ZNF324B: variants seen among roughly 807,000 people sequenced by gnomAD.
The protein encoded by ZNF324B is zinc finger protein 324B.
ZNF324B carries 7 observed loss-of-function variants against 10.6 expected under a neutral mutation model. The ratio of observed to expected loss-of-function variants is 0.66; its 90% CI spans 0.38 to 1.24. The LOEUF is 1.24. ZNF324B is among the 50% of genes most tolerant of loss of function. The probability of loss-of-function intolerance (pLI) is 0.02; values close to 1 mark genes in which losing one functional copy is unlikely to be tolerated. For missense variants in ZNF324B, 640 were observed against 764.7 expected (o/e 0.84, Z 1.92); for synonymous variants, 316 against 321.0 (o/e 0.98, Z 0.17).
chr19:58,451,430 G>A (rs773899494), upstream of ZNF324B, among the ~76,000 whole-genome samples: 1 of 152,246 alleles, frequency 6.6e-6, no homozygotes, highest in Non-Finnish European at 1.5e-5. Flanking sequence ...GGAAACCCGC[G>A]GCAGCTGCGC....
intron 1 of ZNF324B, chr19:58,453,255 T>A: frequency 4.4e-6 from 1 of 229,358 alleles, no homozygotes; most frequent in Non-Finnish European, 8.7e-6. Context: ...ATGAGCAGCC[T>A]GGAAATGTCA....
At chr19:58,450,239 A>T (rs2052845804), upstream of ZNF324B, among the ~76,000 whole-genome samples, 2 of 152,130 alleles carry the variant, frequency 1.3e-5, no homozygotes, top group African/African-American at 4.8e-5. Flanking sequence ...TGGAACTATG[A>T]GTCCACTAAA....
In ZNF324B at chr19:58,455,673, G is replaced by A. The variant is rs1176457701; in HGVS notation, c.729G>A (p.Trp243Ter). Residue 243 changes from tryptophan (W) to a stop codon, truncating the protein, a stop_gained, in exon 4 of 4, where the codon TGG becomes TGA. Coordinates refer to ENST00000336614, the MANE Select transcript of ZNF324B (RefSeq NM_207395.3). LOFTEE classifies it low-confidence loss of function (END_TRUNC). The surrounding 1 kb of genome is among the most constrained non-coding windows in gnomAD (Gnocchi z 7.0). The stretch of plus-strand genomic sequence containing the variant: ...TCGGTGGCCAGGAGCCCTCGACCTG[G>A]GACGAGCTGGGCGAGGCTCTTCACG... ...RLLGGQEPST[W>*]DELGEALHAG... 6.2e-7 allele frequency: 1 copy of A among 1,613,492 alleles called. No individual in the cohort carries two copies. The highest frequency in any genetic ancestry group is 1.7e-5 in the Admixed American group (1 of 59,922).
the ZNF324B span, chr19:58,433,709 A>T: frequency 3.7e-6 from 6 of 1,612,174 alleles, no homozygotes; most frequent in Non-Finnish European, 5.1e-6. Flanking sequence ...TGGCTAAAGA[A>T]TTTCCCACAT....
the ZNF324B span, among the ~76,000 whole-genome samples, chr19:58,426,649 C>G: frequency 6.6e-6 from 1 of 152,148 alleles, no homozygotes; most frequent in Admixed American, 6.5e-5. Context: ...AGGGAATCAA[C>G]AGATGCTGAC....
At chr19:58,439,856 C>T in the ZNF324B span, 19 of 1,531,682 alleles carry the variant, frequency 1.2e-5, no homozygotes, top group Admixed American at 4.2e-5. Context: ...GCCGCTGGGC[C>T]GAACCCTCAC....
Position 58,451,679 on chromosome 19 carries a change from G to C in ZNF324B, c.-32G>C, listed in dbSNP as rs1485057046. 1 of 502,188 alleles carries C rather than the reference G, an allele frequency of 2.0e-6. No homozygotes were observed. The allele number at this position is 502,188 out of a possible 1,614,324, so 31.1% of individuals were successfully genotyped here. A position where few individuals can be genotyped will look rare whatever the true frequency, so the allele number is the denominator to read the frequency against. ...TGGTCTGGGCTGTGGCGCGCGGGTCGGGGCCCGAGGCGGGCGGCCAGGAAG... is the reference window on the plus strand; with the variant it reads ...TGGTCTGGGCTGTGGCGCGCGGGTCCGGGCCCGAGGCGGGCGGCCAGGAAG... On this transcript the variant is annotated 5_prime_UTR_variant, in exon 1 of 4. Transcript: ENST00000336614.
chr19:58,453,984 C>G (rs2052887723), intron 2 of ZNF324B, among the ~76,000 whole-genome samples, 162 bp downstream of exon 2: 1 of 152,210 alleles, frequency 6.6e-6, no homozygotes, highest in Non-Finnish European at 1.5e-5. Flanking sequence ...CCACTCCTTG[C>G]CGCCCTGTCC....
the ZNF324B span, chr19:58,429,053 A>T: frequency 6.6e-6 from 1 of 152,226 alleles, no homozygotes. Context: ...TGTCCAGATC[A>T]CAAGATTCAG....
chr19:58,434,641 G>A, the ZNF324B span: 1 of 1,614,190 alleles, frequency 6.2e-7, no homozygotes, highest in East Asian at 2.2e-5. Flanking sequence ...ATTTCCACCT[G>A]TTGGGCATGT....
At position 58,455,433 on chromosome 19, in the gene ZNF324B, C is replaced by T. The variant is rs148678643; in HGVS notation, c.489C>T (p.Thr163=). ...SDQASISLRL[T]SPLRPPKSSR... ...AGGCCAGCATCAGCCTGCGACTGAC[C>T]TCCCCACTCAGGCCCCCCAAGAGCA... Residue 163 remains threonine (T), a synonymous_variant, in exon 4 of 4, where the codon ACC becomes ACT. Coordinates refer to ENST00000336614, the MANE Select transcript of ZNF324B (RefSeq NM_207395.3). This position sits in a 1 kb window ranked among gnomAD's most constrained non-coding sequence, Gnocchi z 7.0. The T allele has an allele frequency of 4.3e-6, 7 of 1,614,194 alleles. No individual in the cohort carries two copies. The East Asian group carries it at 1.6e-4, about 36-fold the overall frequency.
the ZNF324B span, among the ~76,000 whole-genome samples, chr19:58,422,703 C>T: frequency 3.3e-5 from 5 of 152,188 alleles, no homozygotes; most frequent in South Asian, 8.3e-4. Context: ...GGTGAAACAC[C>T]TCTACAAGGA....
At chr19:58,451,920 C>G (rs534743144) in intron 1 of ZNF324B, among the ~76,000 whole-genome samples, 1 of 152,336 alleles carries the variant, frequency 6.6e-6, no homozygotes, top group Admixed American at 6.5e-5. Context: ...ATGGCGGTCC[C>G]GGGTGGTCCA....
chr19:58,432,358 G>A, the ZNF324B span: 2 of 513,710 alleles, frequency 3.9e-6, no homozygotes, highest in Non-Finnish European at 7.8e-6. Context: ...CTCTGGAGTT[G>A]TTCTGCACAC....
chr19:58,451,822 G>A, intron 1 of ZNF324B, 118 bp downstream of exon 1: 1 of 294,362 alleles, frequency 3.4e-6, no homozygotes, highest in Non-Finnish European at 6.6e-6. Flanking sequence ...CCCCGCGGAA[G>A]CCCAGGAGGC....
At chr19:58,433,805 C>G in the ZNF324B span, 3 of 1,614,186 alleles carry the variant, frequency 1.9e-6, no homozygotes, top group East Asian at 6.7e-5. Flanking sequence ...TTCCCACACT[C>G]ACTACACTCG....
At position 58,455,851 on chromosome 19, in the gene ZNF324B, C is replaced by T. The variant is rs2052913401; in HGVS notation, c.907C>T (p.His303Tyr). 6.2e-7 allele frequency: 1 copy of T among 1,613,464 alleles called. No homozygotes were observed. The highest frequency in any genetic ancestry group is 8.5e-7 in the Non-Finnish European group (1 of 1,179,798). ...AFSQTSHLTQ[H>Y]QRIHSGETPY... The stretch of plus-strand genomic sequence containing the variant: ...CAGCCAGACGTCGCACTTGACGCAG[C>T]ACCAGCGCATCCACAGCGGCGAGAC... Residue 303 changes from histidine (H) to tyrosine (Y), a missense_variant, in exon 4 of 4, where the codon CAC (histidine) becomes TAC (tyrosine). Coordinates refer to ENST00000336614, the MANE Select transcript of ZNF324B (RefSeq NM_207395.3). This position sits in a 1 kb window ranked among gnomAD's most constrained non-coding sequence, Gnocchi z 7.0.
chr19:58,454,301 G>A lies in ZNF324B; in HGVS notation c.195G>A (p.Lys65=). The A allele has an allele frequency of 6.2e-7, 1 of 1,614,142 alleles. No individual in the cohort carries two copies. Residue 65 remains lysine, a synonymous_variant, in exon 3 of 4, where the codon AAG becomes AAA. Coordinates refer to ENST00000336614, the MANE Select transcript of ZNF324B (RefSeq NM_207395.3). The part of the protein sequence containing the change: ...RGEEPWVPSG[K]DMTLARNTYG... ...AGGAGCCCTGGGTTCCCAGTGGAAA[G>A]GACATGACCCTGGCCAGGAACACCT...
chr19:58,436,871 G>T, the ZNF324B span: 2 of 883,140 alleles, frequency 2.3e-6, no homozygotes, highest in African/African-American at 1.6e-5. Context: ...TCATGAGGCT[G>T]CTCAGAGAGA....
Sources: allele counts gnomAD v4.1 joint callset (sites outside exome capture counted in the v4.1 genomes callset), GRCh38; gene constraint gnomAD v4.1.1; non-coding constraint Gnocchi (gnomAD v3.1); transcripts MANE v1.5; gene names NCBI Gene and HGNC (gene_info 2026-07-23, HGNC 2026-07-21).